NEK1: variants seen among roughly 807,000 people sequenced by gnomAD.
NEK1 encodes the protein NIMA related kinase 1, also known as serine/threonine-protein kinase Nek1.
Under a neutral mutation model 182.1 loss-of-function variants are expected in NEK1, and 137 were observed. The ratio of observed to expected loss-of-function variants is 0.75; its 90% CI spans 0.65 to 0.87. NEK1 has a LOEUF of 0.87. Among genes scored for constraint, NEK1 ranks in the 40% least tolerant of loss-of-function variants. NEK1 has a pLI of 0.00. For synonymous variants in NEK1, 513 were observed against 492.2 expected (o/e 1.04, Z -0.56); for missense variants, 1,391 against 1,494.4 (o/e 0.93, Z 1.14).
intron 23 of NEK1, among the ~76,000 whole-genome samples, chr4:169,491,162 A>AAAAAAAAAAGAG (rs1554047307): frequency 1.6e-5 from 2 of 122,922 alleles, no homozygotes; most frequent in African/African-American, 6.4e-5. Context: ...AAAAAAAAAA[A>AAAAAAAAAAGAG]AGAGAGATGG....
At chr4:169,474,793 A>T (rs1268694214) in intron 26 of NEK1, among the ~76,000 whole-genome samples, 2 of 152,218 alleles carry the variant, frequency 1.3e-5, no homozygotes, top group African/African-American at 4.8e-5. Context: ...GTATCTTTTA[A>T]ATATCTCCTC....
chr4:169,513,894 C>T (rs1006187824), intron 19 of NEK1, among the ~76,000 whole-genome samples: 1 of 151,890 alleles, frequency 6.6e-6, no homozygotes, highest in Non-Finnish European at 1.5e-5. Flanking sequence ...CTGTAAAATA[C>T]TTGTACATCT....
chr4:169,525,542 T>G (rs556876794), intron 19 of NEK1, among the ~76,000 whole-genome samples: 1 of 152,294 alleles, frequency 6.6e-6, no homozygotes, highest in South Asian at 2.1e-4. Context: ...GGATAATCTA[T>G]AGCAAAGATC....
At chr4:169,559,156 T>C (rs1016095285) in intron 16 of NEK1, among the ~76,000 whole-genome samples, 6 of 152,182 alleles carry the variant, frequency 3.9e-5, no homozygotes, top group African/African-American at 1.4e-4. Context: ...TCTCAGTTAT[T>C]AAACATTAAT....
chr4:169,549,885 C>CATTT (rs1231360045), intron 18 of NEK1, among the ~76,000 whole-genome samples: 1 of 152,068 alleles, frequency 6.6e-6, no homozygotes, highest in East Asian at 1.9e-4. Flanking sequence ...ATGCCCAGTT[C>CATTT]ATTTATTTAT....
At chr4:169,412,229 T>A (rs1733798558) in intron 31 of NEK1, among the ~76,000 whole-genome samples, 1 of 152,184 alleles carries the variant, frequency 6.6e-6, no homozygotes, top group Non-Finnish European at 1.5e-5. Context: ...TCATCCTGTA[T>A]CCACTTGTGA....
chr4:169,552,279 T>C (rs2149891174), intron 18 of NEK1, among the ~76,000 whole-genome samples: 1 of 152,092 alleles, frequency 6.6e-6, no homozygotes, highest in Non-Finnish European at 1.5e-5. Context: ...AATACAGCTG[T>C]TTCAACATCT....
At chr4:169,484,183 G>A (rs990929545) in intron 23 of NEK1, among the ~76,000 whole-genome samples, 3 of 152,066 alleles carry the variant, frequency 2.0e-5, no homozygotes, top group Admixed American at 2.0e-4. Context: ...CCACATACTA[G>A]GATTACAGTT....
At chr4:169,581,033 A>T in intron 10 of NEK1, 131 bp from the exon 11 acceptor site, 1 of 230,988 alleles carries the variant, frequency 4.3e-6, no homozygotes, top group Non-Finnish European at 7.6e-6. Context: ...ACTAAAACCA[A>T]GTTGTTAAAA....
intron 23 of NEK1, among the ~76,000 whole-genome samples, chr4:169,492,347 C>T (rs1750260988): frequency 6.6e-6 from 1 of 152,054 alleles, no homozygotes; most frequent in African/African-American, 2.4e-5. Context: ...GTTGGAGTAC[C>T]CACGTGAAGA....
chr4:169,477,676 TATTA>T (rs1747219571), intron 24 of NEK1, among the ~76,000 whole-genome samples, 179 bp from the exon 25 acceptor site: 1 of 152,022 alleles, frequency 6.6e-6, no homozygotes, highest in African/African-American at 2.4e-5. Context: ...CTTTAAATAT[TATTA>T]ATTAGACAAC....
intron 23 of NEK1, among the ~76,000 whole-genome samples, chr4:169,497,147 C>T (rs1306721505): frequency 2.6e-5 from 4 of 152,060 alleles, no homozygotes; most frequent in African/African-American, 7.2e-5. Context: ...GTGTATGTGT[C>T]GAGGAATTTA....
At chr4:169,474,438 T>G (rs550766152) in intron 26 of NEK1, among the ~76,000 whole-genome samples, 33 of 152,340 alleles carry the variant, frequency 2.2e-4, no homozygotes, top group African/African-American at 7.9e-4. Flanking sequence ...CCATCTTACC[T>G]CTCTGTTCTG....
chr4:169,458,695 G>T (rs1216247568), intron 27 of NEK1, among the ~76,000 whole-genome samples: 1 of 151,986 alleles, frequency 6.6e-6, no homozygotes, highest in Non-Finnish European at 1.5e-5. Context: ...AGGCATGGTG[G>T]TGCATACCTG....
intron 28 of NEK1, among the ~76,000 whole-genome samples, chr4:169,434,534 A>G (rs549016507): frequency 6.6e-6 from 1 of 152,200 alleles, no homozygotes; most frequent in East Asian, 1.9e-4. Flanking sequence ...TAACATCAAG[A>G]TGTTACCTCT....
In NEK1 at chr4:169,477,169, G is replaced by T; in HGVS notation, c.2389C>A (p.Pro797Thr). The T allele has an allele frequency of 6.2e-7, 1 of 1,608,118 alleles. No individual in the cohort carries two copies. Among genetic ancestry groups the T allele is most frequent in the Non-Finnish European group, 8.5e-7 (1 of 1,176,938 alleles). ...GTATCTAGTGTTAACTCATCCAGAG[G>T]AATCACAAGTTGACCTCCTGCCTCC... ...KWEAGGQLVI[P>T]LDELTLDTSF... The change falls in exon 26 of 36, where the codon CCT becomes ACT. Residue 797 changes from proline to threonine, a missense_variant. Pro to Thr is a conservative substitution (Grantham distance 38, BLOSUM62 -1). This residue lies in a region of NEK1 where 1,216 missense variants were observed against 1,277.6 expected (regional missense o/e 0.95). Coordinates refer to ENST00000507142, the MANE Select transcript of NEK1 (RefSeq NM_001199397.3).
intron 31 of NEK1, among the ~76,000 whole-genome samples, chr4:169,423,291 TG>T (rs1735796451): frequency 6.6e-6 from 1 of 152,012 alleles, no homozygotes; most frequent in Non-Finnish European, 1.5e-5. Context: ...TTAGTAGAGA[TG>T]GGGTTTTGCC....
intron 5 of NEK1, among the ~76,000 whole-genome samples, chr4:169,592,341 AT>A (rs1302630399): frequency 6.6e-6 from 1 of 152,192 alleles, no homozygotes; most frequent in Non-Finnish European, 1.5e-5. Flanking sequence ...AAGGGGCCTG[AT>A]TAAATATATT....
intron 26 of NEK1, among the ~76,000 whole-genome samples, chr4:169,471,585 G>T (rs1745979050): frequency 6.6e-6 from 1 of 152,172 alleles, no homozygotes. Context: ...GTGTCTCCCA[G>T]TCAGGAGGCA....
Sources: gnomAD v4.1 joint callset for allele counts (sites outside exome capture counted in the v4.1 genomes callset) on GRCh38, gnomAD v4.1.1 for gene constraint, gnomAD v4.1.1 regional missense constraint, MANE v1.5 for transcripts, NCBI Gene and HGNC (gene_info 2026-07-23, HGNC 2026-07-21) for gene names.